The following PTPRR variants were observed in gnomAD, a reference collection of about 807,000 sequenced individuals.
PTPRR encodes the protein protein tyrosine phosphatase receptor type R.
In PTPRR, 38 loss-of-function variants were observed where a neutral mutation model predicts 77.2. The observed-to-expected ratio is 0.49, with a 90% CI of 0.38 to 0.65. The LOEUF (loss-of-function observed/expected upper bound fraction) is 0.65, where lower values mean the gene tolerates loss of function less well. PTPRR is among the 30% of genes least tolerant of loss of function. The pLI, the probability that PTPRR is intolerant of heterozygous loss-of-function variation, is 0.00. For missense variants in PTPRR, 744 were observed against 799.2 expected, an observed-to-expected ratio of 0.93 and a Z score of 0.83; for synonymous variants, 299 against 283.1, an observed-to-expected ratio of 1.06 and a Z score of -0.57.
At chr12:70,777,058 A>G (rs577187237) in intron 2 of PTPRR, among the ~76,000 whole-genome samples, 5 of 152,174 alleles carry the variant, frequency 3.3e-5, no homozygotes, top group African/African-American at 1.2e-4. Context: ...TGTATATATC[A>G]TACATAATAT....
At chr12:70,906,168 A>G (rs1893618337) in intron 1 of PTPRR, among the ~76,000 whole-genome samples, 1 of 151,930 alleles carries the variant, frequency 6.6e-6, no homozygotes, top group Admixed American at 6.6e-5. Flanking sequence ...AATTTAAATG[A>G]CCTCCCAACT....
intron 2 of PTPRR, among the ~76,000 whole-genome samples, chr12:70,795,407 A>G (rs559462357): frequency 6.6e-6 from 1 of 152,350 alleles, no homozygotes; most frequent in East Asian, 1.9e-4. Flanking sequence ...ATTTTCCAGA[A>G]AGCCACAAAT....
At chr12:70,735,203 A>G (rs1441435721) in intron 6 of PTPRR, among the ~76,000 whole-genome samples, 1 of 152,212 alleles carries the variant, frequency 6.6e-6, no homozygotes, top group East Asian at 1.9e-4. Context: ...GTATAAGAAT[A>G]TGAAAATATT....
intron 2 of PTPRR, among the ~76,000 whole-genome samples, chr12:70,836,180 C>G (rs570254759): frequency 6.6e-6 from 1 of 152,216 alleles, no homozygotes; most frequent in Non-Finnish European, 1.5e-5. Context: ...TCATCACCTA[C>G]AGGATAGAAT....
chr12:70,690,959 T>C (rs1888034269), intron 8 of PTPRR, among the ~76,000 whole-genome samples: 1 of 152,214 alleles, frequency 6.6e-6, no homozygotes, highest in Non-Finnish European at 1.5e-5. Flanking sequence ...TAAGATCTAA[T>C]GTCTTGCATA....
intron 13 of PTPRR, among the ~76,000 whole-genome samples, chr12:70,651,300 A>G (rs1052322108): frequency 6.6e-6 from 1 of 152,258 alleles, no homozygotes; most frequent in East Asian, 1.9e-4. Flanking sequence ...TTTAGATTGA[A>G]GCGTTAATAG....
At chr12:70,831,401 G>C (rs1233625663) in intron 2 of PTPRR, among the ~76,000 whole-genome samples, 1 of 152,108 alleles carries the variant, frequency 6.6e-6, no homozygotes, top group Admixed American at 6.6e-5. Flanking sequence ...CTAGGTAAAG[G>C]CTCAGTTAAG....
chr12:70,836,142 C>A (rs1356977577), intron 2 of PTPRR, among the ~76,000 whole-genome samples: 2 of 152,064 alleles, frequency 1.3e-5, no homozygotes, highest in African/African-American at 4.8e-5. Context: ...TGATGTCATT[C>A]ACTAGCTCAG....
intron 2 of PTPRR, chr12:70,788,927 G>A: frequency 1.4e-6 from 2 of 1,450,144 alleles, no homozygotes; most frequent in African/African-American, 1.4e-5. Context: ...TTCTAAGCTT[G>A]TGTGCTGAGA....
chr12:70,900,708 C>T (rs1241006820), intron 1 of PTPRR, among the ~76,000 whole-genome samples: 1 of 151,382 alleles, frequency 6.6e-6, no homozygotes, highest in Non-Finnish European at 1.5e-5. Context: ...AAAAGATGGG[C>T]AAAAGATTTG....
intron 13 of PTPRR, among the ~76,000 whole-genome samples, chr12:70,644,245 A>G (rs1203160478): frequency 6.6e-6 from 1 of 152,198 alleles, no homozygotes; most frequent in African/African-American, 2.4e-5. Flanking sequence ...TGTGCGTCAG[A>G]TATTTCTTTT....
intron 13 of PTPRR, among the ~76,000 whole-genome samples, chr12:70,641,404 GA>G (rs2136636317): frequency 6.6e-6 from 1 of 152,306 alleles, no homozygotes; most frequent in East Asian, 1.9e-4. Context: ...TCCAACTGGT[GA>G]ATGAATGGAG....
chr12:70,789,005 G>A (rs1592758824), intron 2 of PTPRR: 1 of 714,594 alleles, frequency 1.4e-6, no homozygotes, highest in East Asian at 3.3e-5. Flanking sequence ...CGGATCCCAG[G>A]TCTACTGCAG....
intron 2 of PTPRR, among the ~76,000 whole-genome samples, chr12:70,813,706 T>C (rs756227397): frequency 7.9e-5 from 12 of 152,198 alleles, no homozygotes; most frequent in Non-Finnish European, 1.8e-4. Context: ...CTCAGCTTCC[T>C]GCCTGAAGAG....
At chr12:70,843,505 A>G (rs1438314159) in intron 2 of PTPRR, among the ~76,000 whole-genome samples, 2 of 152,160 alleles carry the variant, frequency 1.3e-5, no homozygotes, top group African/African-American at 4.8e-5. Flanking sequence ...GTGCACTTTA[A>G]TGAACTCTCC....
At chr12:70,697,604 G>A (rs981350297) in intron 8 of PTPRR, among the ~76,000 whole-genome samples, 1 of 152,024 alleles carries the variant, frequency 6.6e-6, no homozygotes, top group Middle Eastern at 3.4e-3. Context: ...TTGTGCTTTT[G>A]TTGGCTTATC....
chr12:70,795,913 A>ATTTTT (rs71437157), intron 2 of PTPRR, among the ~76,000 whole-genome samples: 25,476 of 88,234 alleles, frequency 0.29, 10,122 homozygotes, highest in East Asian at 0.38. Context: ...TATTTAGTAG[A>ATTTTT]TTTTTTTTTT....
chr12:70,652,845 G>A (rs1383950053), intron 13 of PTPRR, among the ~76,000 whole-genome samples: 1 of 152,210 alleles, frequency 6.6e-6, no homozygotes. Flanking sequence ...AGGGGAATGT[G>A]ACTGGGAAGT....
At chr12:70,789,601 AATT>A (rs1424641592) in intron 2 of PTPRR, among the ~76,000 whole-genome samples, 1 of 152,076 alleles carries the variant, frequency 6.6e-6, no homozygotes, top group East Asian at 1.9e-4. Context: ...TAACTGTTGT[AATT>A]ATTATTATTA....
Sources: gnomAD v4.1 joint callset for allele counts (sites outside exome capture counted in the v4.1 genomes callset) on GRCh38, gnomAD v4.1.1 for gene constraint, MANE v1.5 for transcripts, NCBI Gene and HGNC (gene_info 2026-07-23, HGNC 2026-07-21) for gene names.